The following BLOC1S3 variants were observed in gnomAD, a reference collection of about 807,000 sequenced individuals.
BLOC1S3 encodes biogenesis of lysosomal organelles complex 1 subunit 3, also known as biogenesis of lysosome-related organelles complex 1 subunit 3.
Under a neutral mutation model 9.1 loss-of-function variants are expected in BLOC1S3, and 7 were observed. The observed-to-expected ratio is 0.77, with a 90% CI of 0.44 to 1.45. The LOEUF is 1.45. Ranked by LOEUF, BLOC1S3 falls within the 40% of genes most tolerant of loss-of-function variation. BLOC1S3 has a pLI of 0.01. For missense variants in BLOC1S3, 307 were observed against 315.2 expected, an observed-to-expected ratio of 0.97 and a Z score of 0.20; for synonymous variants, 145 against 158.4, an observed-to-expected ratio of 0.92 and a Z score of 0.64.
intron 3 of BLOC1S3, among the ~76,000 whole-genome samples, chr19:45,204,799 T>C (rs904295355): frequency 2.0e-5 from 3 of 151,794 alleles, no homozygotes; most frequent in African/African-American, 7.3e-5. Context: ...TGGCATGATC[T>C]TGGCTCACTG....
intron 3 of BLOC1S3, among the ~76,000 whole-genome samples, chr19:45,214,094 C>T (rs749371305): frequency 6.6e-6 from 1 of 152,126 alleles, no homozygotes; most frequent in Non-Finnish European, 1.5e-5. Context: ...CAAGTTCTGA[C>T]TCATGATCCA....
In BLOC1S3 at chr19:45,179,365, C is replaced by T. The variant is rs750308101; in HGVS notation, c.69C>T (p.Thr23=). The T allele has an allele frequency of 1.9e-6, 3 of 1,585,194 alleles. No homozygotes were observed. The highest frequency in any genetic ancestry group is 2.6e-6 in the Non-Finnish European group (3 of 1,173,998). ...RPETVVPGEA[T]ETDSERSASS... ...AGACGGTGGTGCCGGGGGAGGCGAC[C>T]GAGACGGATTCCGAGCGCTCTGCGT... Residue 23 remains threonine, a synonymous_variant, in exon 2 of 2, where the codon ACC becomes ACT. Transcript: ENST00000433642. This position sits in a 1 kb window ranked among gnomAD's most constrained non-coding sequence, Gnocchi z 4.6.
rs934961196 is a variant in BLOC1S3 at position 45,179,222 on chromosome 19, G to A, written c.-9-66G>A. The A allele has an allele frequency of 4.9e-6, 7 of 1,421,960 alleles. No homozygotes were observed. In the South Asian group the frequency reaches 8.7e-5, roughly 18 times the overall value. The allele number at this position is 1,421,960 out of a possible 1,614,324, so 88.1% of individuals were successfully genotyped here. ...AATCAGCGAAGGGGCTGGGAATCCA[G>A]GACCTGCGCCTTTTACCCACCGCGG... On this transcript the variant is annotated intron_variant, in intron 1 of 1. Transcript: ENST00000433642. The surrounding 1 kb of genome is among the most constrained non-coding windows in gnomAD (Gnocchi z 4.6).
At chr19:45,190,610 C>A (rs1969597139) in intron 2 of BLOC1S3, among the ~76,000 whole-genome samples, 1 of 151,150 alleles carries the variant, frequency 6.6e-6, no homozygotes, top group African/African-American at 2.4e-5. Context: ...CCATGTTGCC[C>A]AGGCTGGTCT....
chr19:45,208,281 G>T (rs993816703), intron 3 of BLOC1S3, among the ~76,000 whole-genome samples: 1 of 151,496 alleles, frequency 6.6e-6, no homozygotes, highest in African/African-American at 2.4e-5. Flanking sequence ...CTCTCTTTTT[G>T]TAACTTCTTA....
intron 2 of BLOC1S3, among the ~76,000 whole-genome samples, chr19:45,188,109 G>C (rs1032859971): frequency 1.8e-4 from 28 of 152,108 alleles, no homozygotes; most frequent in African/African-American, 6.7e-4. Context: ...TGCAACCTCT[G>C]CCTCCTGGGT....
chr19:45,179,009 G>A lies in BLOC1S3; in HGVS notation c.-10+178G>A, dbSNP rs1379911849. Among the ~76,000 whole-genome samples the A allele has an allele frequency of 1.3e-5, 2 of 152,210 alleles. No homozygotes were observed. The highest frequency in any genetic ancestry group is 2.9e-5 in the Non-Finnish European group (2 of 68,040). ...TGGAGGGTGTGGCCTCTACTAGGAG[G>A]CAAATTCGTAAAGACCTCGGCTTGG... is the stretch of plus-strand genomic sequence containing the variant. On this transcript the variant is annotated intron_variant, in intron 1 of 1. Coordinates refer to ENST00000433642, the MANE Select transcript of BLOC1S3 (RefSeq NM_212550.5). The surrounding 1 kb of genome is among the most constrained non-coding windows in gnomAD (Gnocchi z 4.6).
chr19:45,195,427 G>A (rs1467727925), intron 2 of BLOC1S3, among the ~76,000 whole-genome samples: 1 of 151,952 alleles, frequency 6.6e-6, no homozygotes, highest in East Asian at 1.9e-4. Flanking sequence ...GGCTGGTCTT[G>A]AACTCCTGCA....
chr19:45,182,733 G>A (rs539709729), downstream of BLOC1S3, among the ~76,000 whole-genome samples: 2 of 152,046 alleles, frequency 1.3e-5, no homozygotes, highest in African/African-American at 4.8e-5. Context: ...GCCCAAGTTG[G>A]TCTTGAACTT....
chr19:45,199,244 G>A (rs552236814), intron 2 of BLOC1S3, among the ~76,000 whole-genome samples: 8 of 151,004 alleles, frequency 5.3e-5, no homozygotes, highest in Admixed American at 2.6e-4. Context: ...TTCTCTTTAC[G>A]GCCAATAAAA....
intron 3 of BLOC1S3, among the ~76,000 whole-genome samples, chr19:45,206,165 T>G (rs1215420341): frequency 6.6e-6 from 1 of 152,002 alleles, no homozygotes; most frequent in African/African-American, 2.4e-5. Flanking sequence ...CTGGCCAACA[T>G]GGTTAAACCC....
rs1185731956 is a variant in BLOC1S3, at chr19:45,179,098, C to G, written c.-9-190C>G. 3.6e-6 allele frequency: 2 copies of G among 550,872 alleles called. No homozygotes were observed. The highest frequency in any genetic ancestry group is 5.8e-6 in the Non-Finnish European group (2 of 342,644). The allele number at this position is 550,872 out of a possible 1,614,324, so 34.1% of individuals were successfully genotyped here. ...GGTCTTCAGTTTCCCCATCTGTACG[C>G]TGAAGAGCCTGGGGTCCAGTAACCC... On this transcript the variant is annotated intron_variant, in intron 1 of 1. Transcript: ENST00000433642. This position sits in a 1 kb window ranked among gnomAD's most constrained non-coding sequence, Gnocchi z 4.6.
At chr19:45,188,006 A>T (rs1452855467) in intron 2 of BLOC1S3, among the ~76,000 whole-genome samples, 2 of 151,740 alleles carry the variant, frequency 1.3e-5, no homozygotes, top group East Asian at 1.9e-4. Flanking sequence ...TCAAGCATTT[A>T]CTCTATGTTA....
At chr19:45,185,389 T>G (rs1339595723), downstream of BLOC1S3, among the ~76,000 whole-genome samples, 1 of 152,152 alleles carries the variant, frequency 6.6e-6, no homozygotes, top group African/African-American at 2.4e-5. Context: ...CTCAGATGCA[T>G]GGAGCTGTTG....
intron 3 of BLOC1S3, chr19:45,216,003 G>T: frequency 1.3e-6 from 2 of 1,591,716 alleles, no homozygotes; most frequent in South Asian, 1.1e-5. Flanking sequence ...GAAGCACAGG[G>T]ACGGATGCCA....
chr19:45,193,758 T>C, intron 2 of BLOC1S3, among the ~76,000 whole-genome samples: 1 of 147,124 alleles, frequency 6.8e-6, no homozygotes, highest in African/African-American at 2.5e-5. Context: ...TTTTGCTGTG[T>C]AGTCACTGAA....
intron 2 of BLOC1S3, among the ~76,000 whole-genome samples, chr19:45,192,473 G>A (rs895625173): frequency 2.6e-5 from 4 of 152,014 alleles, no homozygotes; most frequent in African/African-American, 4.8e-5. Flanking sequence ...CTTCCCTCCC[G>A]CTTCCTTGAG....
At chr19:45,191,872 C>T (rs560815604) in intron 2 of BLOC1S3, among the ~76,000 whole-genome samples, 3 of 152,318 alleles carry the variant, frequency 2.0e-5, no homozygotes, top group South Asian at 2.1e-4. Flanking sequence ...CTGGGTCAGA[C>T]GTGTAGCCAG....
intron 2 of BLOC1S3, among the ~76,000 whole-genome samples, chr19:45,194,298 A>G (rs1192400514): frequency 1.3e-5 from 2 of 150,746 alleles, no homozygotes; most frequent in African/African-American, 4.9e-5. Flanking sequence ...TTTTTAGTAG[A>G]GATGGGGTTT....
Sources: allele counts gnomAD v4.1 joint callset (sites outside exome capture counted in the v4.1 genomes callset), GRCh38; gene constraint gnomAD v4.1.1; non-coding constraint Gnocchi (gnomAD v3.1); transcripts MANE v1.5; gene names NCBI Gene and HGNC (gene_info 2026-07-23, HGNC 2026-07-21).